The following BMPR1A variants were observed in gnomAD, a reference collection of about 807,000 sequenced individuals.
BMPR1A encodes bone morphogenetic protein receptor type-1A.
A neutral mutation model predicts 66.0 loss-of-function variants in BMPR1A; 7 were observed. The observed-to-expected ratio is 0.11, with a 90% CI of 0.06 to 0.20. The LOEUF (loss-of-function observed/expected upper bound fraction) is 0.20, where lower values mean the gene tolerates loss of function less well. Ranked by LOEUF, BMPR1A falls within the 10% of genes least tolerant of loss-of-function variation. The probability of loss-of-function intolerance (pLI) is 1.00; values close to 1 mark genes in which losing one functional copy is unlikely to be tolerated. For missense variants in BMPR1A, 408 were observed against 669.1 expected (o/e 0.61, Z 4.31); for synonymous variants, 200 against 229.7 (o/e 0.87, Z 1.17).
At position 86,790,186 on chromosome 10, in the gene BMPR1A, AAAATATATATATAT is replaced by A. The variant is rs1841588064; in HGVS notation, c.-268+33269_-268+33282del. On this transcript the variant is annotated intron_variant, in intron 1 of 12. Coordinates refer to ENST00000372037, the MANE Select transcript of BMPR1A (RefSeq NM_004329.3). ...CCAAAAAAAAAAAAAAAAAAAAAAA[AAAATATATATATAT>A]ATATATATATATATATATATATATA... Among the ~76,000 whole-genome samples, 13 of 31,310 alleles carry A rather than the reference AAAATATATATATAT, an allele frequency of 4.2e-4. 3 individuals carry two copies. The highest frequency in any genetic ancestry group is 1.5e-3 in the East Asian group (2 of 1,344). 20.5% of individuals were successfully genotyped at this position (31,310 alleles called of 152,430 possible). A position where few individuals can be genotyped will look rare whatever the true frequency, so the allele number is the denominator to read the frequency against.
intron 1 of BMPR1A, among the ~76,000 whole-genome samples, chr10:86,807,980 T>G (rs1342458308): frequency 6.6e-6 from 1 of 152,232 alleles, no homozygotes; most frequent in African/African-American, 2.4e-5. Flanking sequence ...TTGGTCAGGC[T>G]GGTCTTGAAT....
rs371243894 is a variant in BMPR1A, at chr10:86,900,036, T to C, written c.440T>C (p.Phe147Ser). ...TTACTTTTATTGTCAGGTCCGTTTTTTGATGGCAGCATTCGATGGCTGGTT... is the reference window on the plus strand; with the variant it reads ...TTACTTTTATTGTCAGGTCCGTTTTCTGATGGCAGCATTCGATGGCTGGTT... ...TLPPVVIGPF[F>S]DGSIRWLVLL... is the part of the protein sequence containing the mutation. The change falls in exon 7 of 13, where the codon TTT (phenylalanine) becomes TCT (serine). Residue 147 changes from phenylalanine to serine, a missense_variant. Phe to Ser is a radical substitution (Grantham distance 155). Coordinates refer to ENST00000372037, the MANE Select transcript of BMPR1A (RefSeq NM_004329.3). 1 of 1,614,224 alleles carries C rather than the reference T, an allele frequency of 6.2e-7. No homozygotes were observed. Among genetic ancestry groups the C allele is most frequent in the Non-Finnish European group, 8.5e-7 (1 of 1,180,044 alleles).
At chr10:86,922,443 G>A (rs1036367567) in intron 11 of BMPR1A, among the ~76,000 whole-genome samples, 16 of 152,092 alleles carry the variant, frequency 1.1e-4, no homozygotes, top group African/African-American at 3.4e-4. Flanking sequence ...TGGCAGTTAC[G>A]TAATTTAGAT....
rs183271934 is a variant in BMPR1A, at chr10:86,855,911, G to T, written c.-153+16932G>T. The T allele has an allele frequency of 9.2e-5, 61 of 662,514 alleles. No individual in the cohort carries two copies. In the East Asian group the frequency reaches 1.2e-3, roughly 13 times the overall value. The allele number at this position is 662,514 out of a possible 1,614,324, so 41.0% of individuals were successfully genotyped here. A position where few individuals can be genotyped will look rare whatever the true frequency, so the allele number is the denominator to read the frequency against. On this transcript the variant is annotated intron_variant, in intron 2 of 12. Transcript: ENST00000372037. ...TTCATATTGCTTTTCAAACTGGCTA[G>T]GATTGTTGATATCTGATGTTTTAAT...
At chr10:86,899,991 A>G in intron 6 of BMPR1A, 36 bp from the exon 7 acceptor site, 3 of 1,612,278 alleles carry the variant, frequency 1.9e-6, no homozygotes, top group Non-Finnish European at 2.5e-6. Flanking sequence ...TTATTTTTTC[A>G]TTTCAATTGT....
intron 1 of BMPR1A, among the ~76,000 whole-genome samples, chr10:86,780,129 A>G (rs1284574808): frequency 6.6e-6 from 1 of 152,032 alleles, no homozygotes; most frequent in African/African-American, 2.4e-5. Flanking sequence ...GTGTCTGTTC[A>G]GATCATTTGC....
rs34632382 is a variant in BMPR1A, at chr10:86,773,854, CT to C, written c.-268+16950del. ...TTAGCTGTACAGCATGTATTTCATT[CT>C]TTTTTTTTTTTTTTGAGACAGAGTC... On this transcript the variant is annotated intron_variant, in intron 1 of 12. Coordinates refer to ENST00000372037, the MANE Select transcript of BMPR1A (RefSeq NM_004329.3). Among the ~76,000 whole-genome samples, 712 of 142,076 alleles carry C rather than the reference CT, an allele frequency of 5.0e-3. 7 individuals are homozygous for C. The highest frequency in any genetic ancestry group is 0.022 in the East Asian group (110 of 4,934). 93.2% of individuals were successfully genotyped at this position (142,076 alleles called of 152,430 possible). A position where few individuals can be genotyped will look rare whatever the true frequency, so the allele number is the denominator to read the frequency against.
chr10:86,761,490 G>A (rs754997945), intron 1 of BMPR1A, among the ~76,000 whole-genome samples: 14 of 152,218 alleles, frequency 9.2e-5, no homozygotes, highest in Non-Finnish European at 1.3e-4. Flanking sequence ...TTAGTTACAT[G>A]TTGGAAAATC....
At chr10:86,773,398 A>C (rs904124507) in intron 1 of BMPR1A, among the ~76,000 whole-genome samples, 2 of 151,990 alleles carry the variant, frequency 1.3e-5, no homozygotes, top group African/African-American at 4.8e-5. Flanking sequence ...AGACTAGCCT[A>C]GCTAACATAT....
At chr10:86,789,587 C>T (rs531091299) in intron 1 of BMPR1A, among the ~76,000 whole-genome samples, 1 of 151,922 alleles carries the variant, frequency 6.6e-6, no homozygotes, top group Non-Finnish European at 1.5e-5. Context: ...ATGGTGGGCA[C>T]CTATAATCCC....
At chr10:86,917,525 AC>A (rs1217206534) in intron 9 of BMPR1A, among the ~76,000 whole-genome samples, 199 bp downstream of exon 9, 1 of 152,236 alleles carries the variant, frequency 6.6e-6, no homozygotes, top group Non-Finnish European at 1.5e-5. Context: ...AGCTGAAGAA[AC>A]AGCAGTGAGT....
At chr10:86,865,433 T>A (rs1842772678) in intron 2 of BMPR1A, among the ~76,000 whole-genome samples, 1 of 152,174 alleles carries the variant, frequency 6.6e-6, no homozygotes, top group Non-Finnish European at 1.5e-5. Flanking sequence ...ACAACTCCTC[T>A]TTGACTGTAA....
Position 86,763,384 on chromosome 10 carries a change from T to A in BMPR1A, c.-268+6465T>A, listed in dbSNP as rs183664266. Among the ~76,000 whole-genome samples, 473 of 152,308 alleles carry A rather than the reference T, an allele frequency of 3.1e-3. 5 individuals are homozygous for A. The highest frequency in any genetic ancestry group is 0.027 in the Admixed American group (415 of 15,294). ...TACTGAGTACCTATTCAATCACGGA[T>A]GCCACACTAACCCAATCCGAATCTT... On this transcript the variant is annotated intron_variant, in intron 1 of 12. Coordinates refer to ENST00000372037, the MANE Select transcript of BMPR1A (RefSeq NM_004329.3).
chr10:86,806,868 G>A (rs1333963466), intron 1 of BMPR1A, among the ~76,000 whole-genome samples: 1 of 151,956 alleles, frequency 6.6e-6, no homozygotes, highest in Non-Finnish European at 1.5e-5. Context: ...TGTTTTCTGA[G>A]GTTCATGTTG....
intron 1 of BMPR1A, among the ~76,000 whole-genome samples, chr10:86,826,634 A>T (rs1482076109): frequency 2.0e-5 from 3 of 152,196 alleles, no homozygotes; most frequent in African/African-American, 7.2e-5. Flanking sequence ...GAATGAATAT[A>T]CTATATAGAT....
At chr10:86,855,422 C>A (rs1473014084) in intron 2 of BMPR1A, 3 of 702,942 alleles carry the variant, frequency 4.3e-6, no homozygotes, top group East Asian at 2.6e-5. Context: ...TTAAAATGCT[C>A]CATACTTTTC....
chr10:86,890,350 C>CA, intron 4 of BMPR1A, 126 bp downstream of exon 4: 1 of 1,151,476 alleles, frequency 8.7e-7, no homozygotes, highest in Non-Finnish European at 1.3e-6. Flanking sequence ...TCCAGAAAGC[C>CA]AAAAAGCCTT....
intron 11 of BMPR1A, among the ~76,000 whole-genome samples, chr10:86,922,715 T>TGGC (rs1280890181): frequency 6.6e-6 from 1 of 152,228 alleles, no homozygotes; most frequent in African/African-American, 2.4e-5. Context: ...CTTAGAGACT[T>TGGC]GGCACCCAGA....
Position 86,919,213 on chromosome 10 carries a change from C to A in BMPR1A, c.910C>A (p.Gln304Lys), listed in dbSNP as rs1404557708. 1 of 1,613,940 alleles carries A rather than the reference C, an allele frequency of 6.2e-7. No homozygotes were observed. Among genetic ancestry groups the A allele is most frequent in the East Asian group, 2.2e-5 (1 of 44,876 alleles). ...ADIKGTGSWT[Q>K]LYLITDYHEN... ...CATTAAAGGTACAGGTTCCTGGACT[C>A]AGCTCTATTTGATTACTGATTACCA... is the stretch of plus-strand genomic sequence containing the variant. Residue 304 changes from glutamine (Q) to lysine (K), a missense_variant, in exon 10 of 13, where the codon CAG (glutamine) becomes AAG (lysine). Physicochemically the swap from Gln to Lys is moderately conservative, Grantham distance 53. Around this residue, in one of 5 missense-constraint regions of BMPR1A, gnomAD observed 174 missense variants for 265.1 expected, o/e 0.66. Coordinates refer to ENST00000372037, the MANE Select transcript of BMPR1A (RefSeq NM_004329.3).
Sources: allele counts gnomAD v4.1 joint callset (sites outside exome capture counted in the v4.1 genomes callset), GRCh38; gene constraint gnomAD v4.1.1; regional missense constraint gnomAD v4.1.1; transcripts MANE v1.5; gene names NCBI Gene and HGNC (gene_info 2026-07-23, HGNC 2026-07-21).